Variants in JMJD1C observed in about 807,000 individuals in gnomAD.
JMJD1C encodes the protein jumonji domain containing 1C, also known as jumonji domain-containing protein 1C.
In JMJD1C, 31 loss-of-function variants were observed where a neutral mutation model predicts 245.3. The observed-to-expected ratio is 0.13, with a 90% CI of 0.09 to 0.17. JMJD1C has a LOEUF of 0.17. Among genes scored for constraint, JMJD1C ranks in the 10% least tolerant of loss-of-function variants. The probability of loss-of-function intolerance (pLI) is 1.00; values close to 1 mark genes in which losing one functional copy is unlikely to be tolerated. For missense variants in JMJD1C, 2,691 were observed against 3,000.2 expected, an observed-to-expected ratio of 0.90 and a Z score of 2.41; for synonymous variants, 1,057 against 1,017.4, an observed-to-expected ratio of 1.04 and a Z score of -0.74.
At chr10:63,175,118 A>C (rs1842761618) in intron 24 of JMJD1C, among the ~76,000 whole-genome samples, 1 of 152,238 alleles carries the variant, frequency 6.6e-6, no homozygotes, top group East Asian at 1.9e-4. Flanking sequence ...TCAAAGGATT[A>C]TTCCTATGTA....
chr10:63,509,150 T>C (rs1345067805), intron 1 of JMJD1C, among the ~76,000 whole-genome samples: 1 of 152,256 alleles, frequency 6.6e-6, no homozygotes, highest in Non-Finnish European at 1.5e-5. Context: ...TGTTGGATTT[T>C]ATCAAATGCT....
chr10:63,225,549 C>T (rs1849160945), intron 3 of JMJD1C, among the ~76,000 whole-genome samples: 2 of 151,842 alleles, frequency 1.3e-5, no homozygotes, highest in Non-Finnish European at 1.5e-5. Context: ...TTTGGGAGGC[C>T]GAGGCAGGTG....
intron 4 of JMJD1C, among the ~76,000 whole-genome samples, chr10:63,219,246 C>T (rs538664651): frequency 6.6e-6 from 1 of 152,054 alleles, no homozygotes; most frequent in Non-Finnish European, 1.5e-5. Context: ...TGGAAGTTGA[C>T]GGTTGAGATA....
At chr10:63,436,977 A>G (rs1182156356) in intron 1 of JMJD1C, among the ~76,000 whole-genome samples, 1 of 151,984 alleles carries the variant, frequency 6.6e-6, no homozygotes, top group Non-Finnish European at 1.5e-5. Context: ...TTTCATTGCT[A>G]TTCATCTCTC....
chr10:63,297,916 T>G (rs1041877898), intron 2 of JMJD1C, among the ~76,000 whole-genome samples: 5 of 152,248 alleles, frequency 3.3e-5, no homozygotes, highest in Non-Finnish European at 4.4e-5. Context: ...AAGCCAGGGC[T>G]GTGACACGCT....
intron 2 of JMJD1C, among the ~76,000 whole-genome samples, chr10:63,377,849 G>A (rs1489471771): frequency 1.3e-5 from 2 of 151,280 alleles, no homozygotes; most frequent in African/African-American, 4.9e-5. Flanking sequence ...AGTGAGCTGT[G>A]ATCACACCAC....
At chr10:63,252,735 G>C (rs1589290641) in intron 3 of JMJD1C, among the ~76,000 whole-genome samples, 1 of 152,140 alleles carries the variant, frequency 6.6e-6, no homozygotes, top group Non-Finnish European at 1.5e-5. Context: ...TAAAGAAAAA[G>C]AAACAGGCAA....
At chr10:63,244,875 G>A (rs920845362) in intron 3 of JMJD1C, among the ~76,000 whole-genome samples, 1 of 151,808 alleles carries the variant, frequency 6.6e-6, no homozygotes, top group Non-Finnish European at 1.5e-5. Context: ...GGTGGCTCAC[G>A]CCTGTAATCC....
intron 2 of JMJD1C, among the ~76,000 whole-genome samples, chr10:63,375,895 T>C (rs1039481765): frequency 1.3e-5 from 2 of 152,002 alleles, no homozygotes; most frequent in African/African-American, 4.8e-5. Flanking sequence ...ATTCAATCCC[T>C]ATCAAAATCC....
chr10:63,256,931 A>C (rs2133695384), intron 3 of JMJD1C, among the ~76,000 whole-genome samples: 1 of 152,246 alleles, frequency 6.6e-6, no homozygotes, highest in South Asian at 2.1e-4. Context: ...ATAATCCAGA[A>C]ACAGATATAG....
At chr10:63,288,929 G>GATA (rs1359217587) in intron 2 of JMJD1C, among the ~76,000 whole-genome samples, 1 of 101,270 alleles carries the variant, frequency 9.9e-6, no homozygotes, top group East Asian at 2.2e-4. Flanking sequence ...TAATAATAAT[G>GATA]ATAATAATCT....
intron 2 of JMJD1C, among the ~76,000 whole-genome samples, chr10:63,265,283 A>G (rs1163854387): frequency 2.7e-5 from 4 of 148,116 alleles, no homozygotes; most frequent in Non-Finnish European, 6.0e-5. Flanking sequence ...CCCTGCACCA[A>G]GCACAGATAA....
At chr10:63,402,917 C>G (rs1050986179) in intron 1 of JMJD1C, among the ~76,000 whole-genome samples, 6 of 152,140 alleles carry the variant, frequency 3.9e-5, no homozygotes, top group Non-Finnish European at 5.9e-5. Flanking sequence ...TCTGCAGACT[C>G]CTCTGACCTT....
At chr10:63,463,148 T>C (rs1056254268) in intron 1 of JMJD1C, among the ~76,000 whole-genome samples, 1 of 152,116 alleles carries the variant, frequency 6.6e-6, no homozygotes, top group Non-Finnish European at 1.5e-5. Flanking sequence ...ACATTTTCCA[T>C]ATACTTTCTT....
intron 22 of JMJD1C, among the ~76,000 whole-genome samples, chr10:63,179,134 G>A (rs994647129): frequency 7.9e-5 from 12 of 152,226 alleles, no homozygotes; most frequent in Admixed American, 2.0e-4. Flanking sequence ...ATGTGTGGCC[G>A]GGCGTGGGAT....
At chr10:63,500,985 G>C (rs576556161) in intron 1 of JMJD1C, among the ~76,000 whole-genome samples, 51 of 151,374 alleles carry the variant, frequency 3.4e-4, no homozygotes, top group Middle Eastern at 3.4e-3. Flanking sequence ...ATTATAACAC[G>C]AACTACTACA....
intron 1 of JMJD1C, among the ~76,000 whole-genome samples, chr10:63,382,504 G>T (rs1947295232): frequency 6.6e-6 from 1 of 152,050 alleles, no homozygotes; most frequent in Non-Finnish European, 1.5e-5. Flanking sequence ...GGCTTTTCAT[G>T]ATTAAAAACA....
chr10:63,481,769 C>A (rs572158511), intron 1 of JMJD1C, among the ~76,000 whole-genome samples: 1 of 151,990 alleles, frequency 6.6e-6, no homozygotes, highest in African/African-American at 2.4e-5. Flanking sequence ...GAAAACAAAC[C>A]CCCAAAACAA....
At chr10:63,228,005 G>A (rs1194591665) in intron 3 of JMJD1C, among the ~76,000 whole-genome samples, 1 of 152,168 alleles carries the variant, frequency 6.6e-6, no homozygotes, top group Admixed American at 6.6e-5. Flanking sequence ...AGTTGCTACA[G>A]GGGTGCTCAA....
Sources: allele counts gnomAD v4.1 joint callset (sites outside exome capture counted in the v4.1 genomes callset), GRCh38; gene constraint gnomAD v4.1.1; transcripts MANE v1.5; gene names NCBI Gene and HGNC (gene_info 2026-07-23, HGNC 2026-07-21).